Variants in ADGRL3 observed in about 807,000 individuals in gnomAD.
ADGRL3 encodes the protein adhesion G protein-coupled receptor L3, also known as calcium-independent alpha-latrotoxin receptor 3.
ADGRL3 carries 62 observed loss-of-function variants against 153.5 expected under a neutral mutation model. The ratio of observed to expected loss-of-function variants is 0.40; its 90% CI spans 0.33 to 0.50. ADGRL3 has a LOEUF of 0.50. Ranked by LOEUF, ADGRL3 falls within the 20% of genes least tolerant of loss-of-function variation. The pLI is 0.47. For missense variants in ADGRL3, 1,641 were observed against 1,859.4 expected, an observed-to-expected ratio of 0.88 and a Z score of 2.16; for synonymous variants, 710 against 672.5, an observed-to-expected ratio of 1.06 and a Z score of -0.86.
At chr4:61,950,964 C>A (rs1174262855) in intron 17 of ADGRL3, among the ~76,000 whole-genome samples, 2 of 152,192 alleles carry the variant, frequency 1.3e-5, no homozygotes, top group African/African-American at 4.8e-5. Context: ...TAACCCAATT[C>A]ATTTGACCAG....
chr4:61,826,495 T>C (rs1405912577), intron 9 of ADGRL3, among the ~76,000 whole-genome samples: 1 of 152,122 alleles, frequency 6.6e-6, no homozygotes, highest in African/African-American at 2.4e-5. Flanking sequence ...GATAAGCTAA[T>C]TTCTAGAATA....
chr4:61,255,637 T>C (rs753700993), intron 1 of ADGRL3, among the ~76,000 whole-genome samples: 7 of 152,146 alleles, frequency 4.6e-5, no homozygotes, highest in Non-Finnish European at 1.0e-4. Flanking sequence ...GAAATTCCAT[T>C]ATTATTATTT....
intron 1 of ADGRL3, among the ~76,000 whole-genome samples, chr4:61,331,424 G>C (rs967177397): frequency 6.6e-6 from 1 of 152,060 alleles, no homozygotes; most frequent in East Asian, 1.9e-4. Flanking sequence ...GACCAATTTT[G>C]GTTCAATAAA....
intron 2 of ADGRL3, among the ~76,000 whole-genome samples, chr4:61,432,941 C>A: frequency 6.6e-6 from 1 of 151,960 alleles, no homozygotes; most frequent in African/African-American, 2.4e-5. Flanking sequence ...GTGTGAGCCA[C>A]TGCGCCAGGC....
intron 6 of ADGRL3, among the ~76,000 whole-genome samples, chr4:61,702,322 T>C (rs1255958948): frequency 6.6e-6 from 1 of 152,212 alleles, no homozygotes; most frequent in African/African-American, 2.4e-5. Flanking sequence ...GCATTGTCTC[T>C]TTTGACAGCA....
chr4:61,335,740 T>G (rs1483301099), intron 1 of ADGRL3, among the ~76,000 whole-genome samples: 9 of 152,144 alleles, frequency 5.9e-5, no homozygotes. Flanking sequence ...TGAGGTGAAT[T>G]GGAAAGACAA....
intron 1 of ADGRL3, among the ~76,000 whole-genome samples, chr4:61,326,604 T>TGTGG (rs2095471771): frequency 7.1e-6 from 1 of 139,882 alleles, no homozygotes; most frequent in African/African-American, 2.9e-5. Flanking sequence ...AGATAATGTG[T>TGTGG]GTGTGTGTGT....
chr4:61,335,521 A>G (rs1361363269), intron 1 of ADGRL3, among the ~76,000 whole-genome samples: 1 of 152,166 alleles, frequency 6.6e-6, no homozygotes, highest in South Asian at 2.1e-4. Flanking sequence ...TTATCCATCT[A>G]TTAACATCCC....
At chr4:61,493,709 G>T (rs1251605268) in intron 2 of ADGRL3, among the ~76,000 whole-genome samples, 1 of 152,094 alleles carries the variant, frequency 6.6e-6, no homozygotes, top group Non-Finnish European at 1.5e-5. Context: ...TGCTGTTCCG[G>T]GTTCTCCACT....
intron 4 of ADGRL3, among the ~76,000 whole-genome samples, chr4:61,583,511 G>A (rs192719582): frequency 2.0e-5 from 3 of 152,178 alleles, no homozygotes; most frequent in Admixed American, 6.5e-5. Context: ...AGCAAGAATA[G>A]GGAGCTATTT....
Position 62,071,886 on chromosome 4 carries a change from C to A in ADGRL3, c.*978C>A. 1 of 333,630 alleles carries A rather than the reference C, an allele frequency of 3.0e-6. No homozygotes were observed. The allele number at this position is 333,630 out of a possible 1,614,324, so 20.7% of individuals were successfully genotyped here. A position where few individuals can be genotyped will look rare whatever the true frequency, so the allele number is the denominator to read the frequency against. ...AACAAAATAAATAAAATTAGACTTCCTTCCCTCACTATATATCTTTATGCA... is the reference window on the plus strand; with the variant it reads ...AACAAAATAAATAAAATTAGACTTCATTCCCTCACTATATATCTTTATGCA... On this transcript the variant is annotated 3_prime_UTR_variant, in exon 27 of 27. Transcript: ENST00000683033.
intron 25 of ADGRL3, among the ~76,000 whole-genome samples, chr4:62,048,559 C>T (rs1341225480): frequency 6.6e-6 from 1 of 151,966 alleles, no homozygotes; most frequent in Non-Finnish European, 1.5e-5. Context: ...CCACGCCCGG[C>T]TATTTTTATT....
chr4:61,788,734 A>G (rs1208308368), intron 8 of ADGRL3, among the ~76,000 whole-genome samples: 1 of 152,204 alleles, frequency 6.6e-6, no homozygotes, highest in Non-Finnish European at 1.5e-5. Context: ...TTATTAAGCT[A>G]CTCAAAATAC....
chr4:61,697,933 C>T (rs1396638968), intron 6 of ADGRL3, among the ~76,000 whole-genome samples: 1 of 152,122 alleles, frequency 6.6e-6, no homozygotes, highest in Non-Finnish European at 1.5e-5. Context: ...AGCAGATCAT[C>T]TTCCTCTATA....
intron 17 of ADGRL3, among the ~76,000 whole-genome samples, chr4:61,960,126 C>A (rs1024018908): frequency 2.6e-5 from 4 of 152,048 alleles, no homozygotes; most frequent in African/African-American, 9.7e-5. Context: ...CCTTTTAGAA[C>A]CAAGAATTTT....
At chr4:61,356,750 A>G (rs2096179806) in intron 1 of ADGRL3, among the ~76,000 whole-genome samples, 1 of 152,154 alleles carries the variant, frequency 6.6e-6, no homozygotes, top group Non-Finnish European at 1.5e-5. Flanking sequence ...TTGGAAATAC[A>G]GTTTATCATT....
chr4:61,209,061 T>C (rs1738631580), intron 1 of ADGRL3, among the ~76,000 whole-genome samples: 1 of 152,164 alleles, frequency 6.6e-6, no homozygotes, highest in Non-Finnish European at 1.5e-5. Context: ...TATAGATGTA[T>C]TTATAAGTTA....
In ADGRL3 at chr4:61,787,367, TA is replaced by T. The variant is rs34070125; in HGVS notation, c.1400-26433del. Among the ~76,000 whole-genome samples the T allele has an allele frequency of 1.7e-3, 254 of 151,032 alleles. 2 individuals carry two copies. Among genetic ancestry groups the T allele is most frequent in the African/African-American group, 5.8e-3 (240 of 41,216 alleles). ...TAAAAGTATAGTCATACTTTTTTTT[TA>T]AAAAAAAAGCATAGGTACATATATG... is the stretch of plus-strand genomic sequence containing the variant. On this transcript the variant is annotated intron_variant, in intron 8 of 26. Coordinates refer to ENST00000683033, the MANE Select transcript of ADGRL3 (RefSeq NM_001387552.1).
intron 8 of ADGRL3, among the ~76,000 whole-genome samples, chr4:61,772,547 A>G (rs2097098808): frequency 6.6e-6 from 1 of 152,228 alleles, no homozygotes; most frequent in African/African-American, 2.4e-5. Flanking sequence ...AAATGGTTAA[A>G]CCTGAGTATT....
Sources: gnomAD v4.1 joint callset for allele counts (sites outside exome capture counted in the v4.1 genomes callset) on GRCh38, gnomAD v4.1.1 for gene constraint, MANE v1.5 for transcripts, NCBI Gene and HGNC (gene_info 2026-07-23, HGNC 2026-07-21) for gene names.